TAF4B: variants seen among roughly 807,000 people sequenced by gnomAD.
The protein encoded by TAF4B is TATA-box binding protein associated factor 4b, also known as transcription initiation factor TFIID subunit 4B.
TAF4B carries 38 observed loss-of-function variants against 86.4 expected under a neutral mutation model. The ratio of observed to expected loss-of-function variants is 0.44; its 90% CI spans 0.34 to 0.58. The LOEUF is 0.58. Ranked by LOEUF, TAF4B falls within the 20% of genes least tolerant of loss-of-function variation. The pLI is 0.02. For synonymous variants in TAF4B, 388 were observed against 391.2 expected (o/e 0.99, Z 0.10); for missense variants, 988 against 1,027.6 (o/e 0.96, Z 0.53).
At chr18:26,313,504 T>C (rs2056872580) in intron 9 of TAF4B, among the ~76,000 whole-genome samples, 2 of 152,230 alleles carry the variant, frequency 1.3e-5, no homozygotes. Context: ...TTCTTTGCTC[T>C]GCATATTTCA....
At chr18:26,268,533 A>G (rs2056271588) in intron 3 of TAF4B, among the ~76,000 whole-genome samples, 1 of 152,204 alleles carries the variant, frequency 6.6e-6, no homozygotes, top group Non-Finnish European at 1.5e-5. Flanking sequence ...TGTGGTCTTA[A>G]TAACCATGTT....
intron 3 of TAF4B, among the ~76,000 whole-genome samples, chr18:26,274,038 T>C (rs1213948383): frequency 6.6e-6 from 1 of 152,202 alleles, no homozygotes; most frequent in Non-Finnish European, 1.5e-5. Flanking sequence ...GCCTGACTTG[T>C]GATTGCTTGT....
chr18:26,374,514 T>C (rs959730164), intron 14 of TAF4B, among the ~76,000 whole-genome samples: 21 of 152,346 alleles, frequency 1.4e-4, no homozygotes, highest in African/African-American at 4.8e-4. Flanking sequence ...GAATTGCCTG[T>C]TACATAGGAT....
intron 5 of TAF4B, among the ~76,000 whole-genome samples, chr18:26,279,539 T>C (rs1432717348): frequency 9.0e-6 from 1 of 111,458 alleles, no homozygotes; most frequent in Non-Finnish European, 1.8e-5. Context: ...CCAAAACAAT[T>C]AGAAGCAAAA....
intron 9 of TAF4B, among the ~76,000 whole-genome samples, chr18:26,295,769 G>A (rs769038144): frequency 8.6e-5 from 13 of 151,978 alleles, no homozygotes; most frequent in Non-Finnish European, 1.9e-4. Flanking sequence ...TTTTTTAAAT[G>A]TTGCCCCATT....
intron 13 of TAF4B, among the ~76,000 whole-genome samples, chr18:26,346,563 T>C (rs1163445027): frequency 6.6e-6 from 1 of 151,420 alleles, no homozygotes; most frequent in Non-Finnish European, 1.5e-5. Flanking sequence ...TATAGTCAAA[T>C]TGTGAAGTCA....
At chr18:26,254,030 A>T (rs1171481925) in intron 1 of TAF4B, among the ~76,000 whole-genome samples, 2 of 151,656 alleles carry the variant, frequency 1.3e-5, no homozygotes, top group Non-Finnish European at 2.9e-5. Flanking sequence ...GGTTCAAGCG[A>T]TTCTTCTGCC....
Position 26,285,222 on chromosome 18 carries a change from G to GTTTTTGTTTTTGTTTTTTTTTTTTTT in TAF4B, c.973-655_973-654insGTTTTTGTTTTTTTTTTTTTTTTTTT. ...ATTTCTTCCTTTCCTTTTTTTTTTT[G>GTTTTTGTTTTTGTTTTTTTTTTTTTT]TTTTTTTTTTTTTTGGAGATGGGGT... is the stretch of plus-strand genomic sequence containing the variant. On this transcript the variant is annotated intron_variant, in intron 6 of 14. Transcript: ENST00000269142. Among the ~76,000 whole-genome samples, 102 of 45,692 alleles carry GTTTTTGTTTTTGTTTTTTTTTTTTTT rather than the reference G, an allele frequency of 2.2e-3. 8 individuals are homozygous for GTTTTTGTTTTTGTTTTTTTTTTTTTT. Among genetic ancestry groups the GTTTTTGTTTTTGTTTTTTTTTTTTTT allele is most frequent in the Middle Eastern group, 0.021 (1 of 48 alleles). 30.0% of individuals were successfully genotyped at this position (45,692 alleles called of 152,430 possible).
At chr18:26,274,385 C>G (rs1473370597) in intron 3 of TAF4B, among the ~76,000 whole-genome samples, 2 of 152,140 alleles carry the variant, frequency 1.3e-5, no homozygotes, top group African/African-American at 4.8e-5. Context: ...CCGTTGCAAT[C>G]CCTATTTTTG....
intron 1 of TAF4B, among the ~76,000 whole-genome samples, chr18:26,238,913 A>G (rs1355754754): frequency 6.6e-6 from 1 of 152,208 alleles, no homozygotes; most frequent in Non-Finnish European, 1.5e-5. Flanking sequence ...TACAAAGGAC[A>G]TGAACTCATC....
intron 14 of TAF4B, among the ~76,000 whole-genome samples, chr18:26,361,643 G>C (rs117875450): frequency 0.042 from 6,355 of 150,912 alleles, 185 homozygotes; most frequent in Non-Finnish European, 0.059. Context: ...TACGTGGGGG[G>C]TTGAGGCAGG....
At chr18:26,375,557 A>G (rs1056947077) in intron 14 of TAF4B, among the ~76,000 whole-genome samples, 4 of 152,172 alleles carry the variant, frequency 2.6e-5, no homozygotes, top group African/African-American at 9.7e-5. Context: ...CATCCTTGCC[A>G]ACACTTGTTA....
chr18:26,374,967 G>T (rs967428985), intron 14 of TAF4B, among the ~76,000 whole-genome samples: 7 of 152,110 alleles, frequency 4.6e-5, no homozygotes, highest in Non-Finnish European at 7.4e-5. Flanking sequence ...AAAGTGTCCA[G>T]TCCAGCTCTT....
At chr18:26,378,204 T>G (rs7240200) in intron 14 of TAF4B, among the ~76,000 whole-genome samples, 54,177 of 151,966 alleles carry the variant, frequency 0.36, 11,771 homozygotes, top group East Asian at 0.81. Context: ...ACATTGCACA[T>G]CGTGAGGGGG....
At chr18:26,278,325 G>T (rs1473513793) in intron 5 of TAF4B, among the ~76,000 whole-genome samples, 1 of 151,900 alleles carries the variant, frequency 6.6e-6, no homozygotes, top group African/African-American at 2.4e-5. Flanking sequence ...ATTTTTTAGA[G>T]TAAGAGTCTT....
intron 14 of TAF4B, among the ~76,000 whole-genome samples, chr18:26,361,675 G>A (rs975560256): frequency 9.3e-5 from 14 of 150,794 alleles, no homozygotes; most frequent in Admixed American, 5.9e-4. Context: ...AACCCGGGAG[G>A]CGGAGGTTGC....
Position 26,306,800 on chromosome 18 carries a change from A to G in TAF4B, c.1833-8429A>G, listed in dbSNP as rs568087914. Reference sequence around the variant, plus strand: ...TTTATTTATTTATTTATTTTTTAAGATGGAGTCTCACTCTGTCTCCCAGGC... The same window carrying G: ...TTTATTTATTTATTTATTTTTTAAGGTGGAGTCTCACTCTGTCTCCCAGGC... On this transcript the variant is annotated intron_variant, in intron 9 of 14. Coordinates refer to ENST00000269142, the MANE Select transcript of TAF4B (RefSeq NM_005640.3). Among the ~76,000 whole-genome samples, 3 of 140,320 alleles carry G rather than the reference A, an allele frequency of 2.1e-5. No homozygotes were observed. The East Asian group carries it at 6.2e-4, about 29-fold the overall frequency. The allele number at this position is 140,320 out of a possible 152,430, so 92.1% of individuals were successfully genotyped here.
At chr18:26,290,265 GAGT>G (rs2056576101) in intron 7 of TAF4B, among the ~76,000 whole-genome samples, 1 of 152,052 alleles carries the variant, frequency 6.6e-6, no homozygotes, top group Admixed American at 6.6e-5. Context: ...TCAGCCTCAT[GAGT>G]AGCTAGGACT....
chr18:26,329,562 T>C (rs1353899232), intron 12 of TAF4B, among the ~76,000 whole-genome samples: 2 of 152,238 alleles, frequency 1.3e-5, no homozygotes, highest in Non-Finnish European at 2.9e-5. Flanking sequence ...TCAGATTCTT[T>C]TAGGGTTTCT....
Sources: allele counts gnomAD v4.1 joint callset (sites outside exome capture counted in the v4.1 genomes callset), GRCh38; gene constraint gnomAD v4.1.1; transcripts MANE v1.5; gene names NCBI Gene and HGNC (gene_info 2026-07-23, HGNC 2026-07-21).